Variants in OTUD7A observed in about 807,000 individuals in gnomAD.
OTUD7A encodes the protein OTU domain-containing protein 7A.
OTUD7A carries 12 observed loss-of-function variants against 65.7 expected under a neutral mutation model. The observed-to-expected ratio is 0.18, with a 90% CI of 0.12 to 0.30. The LOEUF is 0.30. OTUD7A is among the 10% of genes least tolerant of loss of function. OTUD7A has a pLI of 1.00. For synonymous variants in OTUD7A, 641 were observed against 586.3 expected (o/e 1.09, Z -1.35); for missense variants, 1,148 against 1,304.8 (o/e 0.88, Z 1.85).
intron 1 of OTUD7A, among the ~76,000 whole-genome samples, chr15:31,808,778 A>G (rs1242230837): frequency 6.6e-6 from 1 of 152,234 alleles, no homozygotes; most frequent in East Asian, 1.9e-4. Context: ...CCTGAGCCTC[A>G]CATCTGCAGA....
chr15:31,707,973 T>C (rs1893345605), intron 1 of OTUD7A, among the ~76,000 whole-genome samples: 1 of 152,012 alleles, frequency 6.6e-6, no homozygotes, highest in Admixed American at 6.5e-5. Context: ...TGGGAGAAAC[T>C]TCCAACCCAT....
At chr15:31,532,094 T>G (rs1887642952) in intron 5 of OTUD7A, among the ~76,000 whole-genome samples, 1 of 152,134 alleles carries the variant, frequency 6.6e-6, no homozygotes, top group Admixed American at 6.5e-5. Flanking sequence ...CAGAGTCCTA[T>G]AACTTAATAC....
At chr15:31,867,789 G>A (rs1188255709) in intron 1 of OTUD7A, among the ~76,000 whole-genome samples, 10 of 152,170 alleles carry the variant, frequency 6.6e-5, no homozygotes. Flanking sequence ...AGCCACTGAA[G>A]CAATCTCTGC....
chr15:31,663,281 A>ACACACACACACACG (rs1203417173), intron 1 of OTUD7A, among the ~76,000 whole-genome samples: 4 of 150,394 alleles, frequency 2.7e-5, no homozygotes, highest in African/African-American at 9.9e-5. Flanking sequence ...ACACACACAC[A>ACACACACACACACG]CAAGTTTTTA....
chr15:31,868,165 T>A (rs1224351261), intron 1 of OTUD7A, among the ~76,000 whole-genome samples: 3 of 152,212 alleles, frequency 2.0e-5, no homozygotes, highest in Non-Finnish European at 2.9e-5. Context: ...GTGACAGTGA[T>A]CTCTTTTGGG....
intron 1 of OTUD7A, among the ~76,000 whole-genome samples, chr15:31,761,359 A>C (rs4340294): frequency 0.2 from 30,673 of 152,088 alleles, 3,530 homozygotes; most frequent in Admixed American, 0.28. Flanking sequence ...AAAATGGACA[A>C]AGGATTTGAA....
rs2041127009 is a variant in OTUD7A at position 31,481,951 on chromosome 15, G to A, written c.*1343C>T. 6.6e-6 allele frequency: 1 copy of A among 152,104 alleles called. No homozygotes were observed. Among genetic ancestry groups the A allele is most frequent in the Admixed American group, 6.5e-5 (1 of 15,286 alleles). 9.4% of individuals were successfully genotyped at this position (152,104 alleles called of 1,614,324 possible). A position where few individuals can be genotyped will look rare whatever the true frequency, so the allele number is the denominator to read the frequency against. On this transcript the variant is annotated 3_prime_UTR_variant, in exon 13 of 13. Coordinates refer to ENST00000307050, the MANE Select transcript of OTUD7A (RefSeq NM_001382637.1). ...TTTTATAGTATTCTTTGTTAGTGAG[G>A]ATTTTACCCATCTTATCCTCATTTC...
At chr15:31,783,621 G>A (rs73380504) in intron 1 of OTUD7A, among the ~76,000 whole-genome samples, 6,171 of 152,268 alleles carry the variant, frequency 0.041, 422 homozygotes, top group African/African-American at 0.14. Flanking sequence ...ACCCTTGTGT[G>A]TAAGTGTTCC....
Position 31,779,887 on chromosome 15 carries a change from C to T in OTUD7A, c.-100+90620G>A, listed in dbSNP as rs116119716. Among the ~76,000 whole-genome samples the T allele has an allele frequency of 5.8e-3, 879 of 152,178 alleles. 12 individuals are homozygous for T. Among genetic ancestry groups the T allele is most frequent in the African/African-American group, 0.02 (845 of 41,486 alleles). ...AACTCATTCTCTCCAAGGTTCTTGCCGACCTCAACCTGTGATTTGCAATCA... is the reference window on the plus strand; with the variant it reads ...AACTCATTCTCTCCAAGGTTCTTGCTGACCTCAACCTGTGATTTGCAATCA... On this transcript the variant is annotated intron_variant, in intron 1 of 12. Transcript: ENST00000307050.
chr15:31,623,621 G>A (rs951279233), intron 3 of OTUD7A, among the ~76,000 whole-genome samples: 1 of 152,258 alleles, frequency 6.6e-6, no homozygotes, highest in African/African-American at 2.4e-5. Context: ...GAAAAGCGCA[G>A]TATTAGGGTG....
At chr15:31,669,704 G>C (rs1362664791) in intron 1 of OTUD7A, among the ~76,000 whole-genome samples, 2 of 152,132 alleles carry the variant, frequency 1.3e-5, no homozygotes, top group African/African-American at 4.8e-5. Flanking sequence ...AGTTCAGCTG[G>C]AGACTTCCTT....
chr15:31,861,092 C>T (rs998246973), intron 1 of OTUD7A, among the ~76,000 whole-genome samples: 3 of 152,038 alleles, frequency 2.0e-5, no homozygotes, highest in African/African-American at 7.2e-5. Flanking sequence ...GGCTTCCCTT[C>T]CCCTTGATCA....
chr15:31,676,593 A>T (rs185904927), intron 1 of OTUD7A, among the ~76,000 whole-genome samples: 313 of 152,314 alleles, frequency 2.1e-3, no homozygotes, highest in Non-Finnish European at 3.1e-3. Context: ...ACCATGAGGG[A>T]CGGGTCAAGA....
At chr15:31,670,552 T>C (rs1483352606) in intron 1 of OTUD7A, among the ~76,000 whole-genome samples, 4 of 152,224 alleles carry the variant, frequency 2.6e-5, no homozygotes, top group African/African-American at 9.7e-5. Flanking sequence ...CTCTATTTCA[T>C]ATGTTTGTTA....
At chr15:31,507,858 C>A (rs1355525559) in intron 8 of OTUD7A, among the ~76,000 whole-genome samples, 2 of 152,134 alleles carry the variant, frequency 1.3e-5, no homozygotes, top group African/African-American at 4.8e-5. Flanking sequence ...AAAAGTTCTC[C>A]AAGTCCCCAC....
chr15:31,620,565 A>G (rs1426900181), intron 3 of OTUD7A, among the ~76,000 whole-genome samples: 4 of 149,900 alleles, frequency 2.7e-5, no homozygotes, highest in African/African-American at 5.0e-5. Flanking sequence ...AGAGGTGTTT[A>G]TAGTATTCTC....
At position 31,786,170 on chromosome 15, in the gene OTUD7A, T is replaced by C. The variant is rs537537298; in HGVS notation, c.-100+84337A>G. ...AGAAGGGCCTCACCAGATGCAGCTC[T>C]TCAACCTTGGACTTCTCAGCCTCCA... On this transcript the variant is annotated intron_variant, in intron 1 of 12. Coordinates refer to ENST00000307050, the MANE Select transcript of OTUD7A (RefSeq NM_001382637.1). 1.5e-4 allele frequency among the ~76,000 whole-genome samples: 23 copies of C among 152,290 alleles called. No homozygotes were observed. The East Asian group carries it at 4.4e-3, about 29-fold the overall frequency.
At chr15:31,763,008 T>G (rs567278117) in intron 1 of OTUD7A, among the ~76,000 whole-genome samples, 1 of 152,096 alleles carries the variant, frequency 6.6e-6, no homozygotes, top group South Asian at 2.1e-4. Context: ...GTCAGCCAGG[T>G]GCGGTGGCTC....
At chr15:31,630,055 T>C (rs1891093572) in intron 3 of OTUD7A, among the ~76,000 whole-genome samples, 2 of 149,832 alleles carry the variant, frequency 1.3e-5, no homozygotes, top group Non-Finnish European at 3.0e-5. Flanking sequence ...CCTGGATTCA[T>C]TAATTTTTTG....
Sources: gnomAD v4.1 joint callset for allele counts (sites outside exome capture counted in the v4.1 genomes callset) on GRCh38, gnomAD v4.1.1 for gene constraint, MANE v1.5 for transcripts, NCBI Gene and HGNC (gene_info 2026-07-23, HGNC 2026-07-21) for gene names.